Variants in MYO3A observed in about 807,000 individuals in gnomAD.
MYO3A encodes myosin-IIIa.
A neutral mutation model predicts 192.7 loss-of-function variants in MYO3A; 180 were observed. The ratio of observed to expected loss-of-function variants is 0.93; its 90% confidence interval spans 0.83 to 1.06. The LOEUF is 1.06. Ranked by LOEUF, MYO3A falls within the 50% of genes least tolerant of loss-of-function variation. The pLI, the probability that MYO3A is intolerant of heterozygous loss-of-function variation, is 0.00. For synonymous variants in MYO3A, 628 were observed against 645.3 expected (o/e 0.97, Z 0.41); for missense variants, 1,896 against 1,905.0 (o/e 1.00, Z 0.09).
At chr10:26,060,276 AATAC>A (rs879733502) in intron 10 of MYO3A, among the ~76,000 whole-genome samples, 1 of 120,944 alleles carries the variant, frequency 8.3e-6, no homozygotes, top group East Asian at 2.1e-4. Flanking sequence ...TAAATAAATA[AATAC>A]ATACATAAAT....
chr10:25,975,470 A>G (rs974624383), intron 4 of MYO3A, among the ~76,000 whole-genome samples: 12 of 152,206 alleles, frequency 7.9e-5, no homozygotes, highest in Non-Finnish European at 1.3e-4. Flanking sequence ...GTGTAACAAC[A>G]CGTGTCCAAC....
intron 6 of MYO3A, among the ~76,000 whole-genome samples, chr10:26,001,808 C>G (rs142024874): frequency 1.6e-4 from 25 of 152,206 alleles, no homozygotes; most frequent in African/African-American, 6.0e-4. Flanking sequence ...ATAGCAAGAC[C>G]CTGTCTCTAC....
At chr10:26,210,990 ACACACACACAC>A (rs1382434236) in intron 34 of MYO3A, among the ~76,000 whole-genome samples, 1 of 150,758 alleles carries the variant, frequency 6.6e-6, no homozygotes, top group African/African-American at 2.5e-5. Flanking sequence ...ATGCACACAC[ACACACACACAC>A]CACTCTTTCC....
chr10:26,160,616 G>A (rs1841439310), intron 26 of MYO3A, among the ~76,000 whole-genome samples: 1 of 152,028 alleles, frequency 6.6e-6, no homozygotes, highest in Non-Finnish European at 1.5e-5. Context: ...CTGCACTCCA[G>A]CCTGGGTGAC....
intron 1 of MYO3A, among the ~76,000 whole-genome samples, 188 bp from the exon 2 acceptor site, chr10:25,935,556 A>G (rs1466235873): frequency 6.6e-6 from 1 of 152,246 alleles, no homozygotes; most frequent in Non-Finnish European, 1.5e-5. Context: ...GTTTAATGCC[A>G]GCATATGAAA....
chr10:26,158,825 C>A (rs1038207549), intron 26 of MYO3A, among the ~76,000 whole-genome samples: 1 of 152,034 alleles, frequency 6.6e-6, no homozygotes, highest in African/African-American at 2.4e-5. Flanking sequence ...ATATTCTTCA[C>A]CCTTTTTCAA....
intron 21 of MYO3A, among the ~76,000 whole-genome samples, chr10:26,144,928 C>A (rs1472339649): frequency 2.6e-5 from 4 of 152,182 alleles, no homozygotes; most frequent in Non-Finnish European, 4.4e-5. Context: ...GTAATCCCAG[C>A]ACTTTGGGAG....
At chr10:25,966,025 G>T (rs116118382) in intron 4 of MYO3A, among the ~76,000 whole-genome samples, 1,604 of 151,476 alleles carry the variant, frequency 0.011, 25 homozygotes, top group African/African-American at 0.036. Flanking sequence ...AGATACTATG[G>T]GTGCTCACCA....
At chr10:26,018,418 A>G (rs61848909) in intron 7 of MYO3A, among the ~76,000 whole-genome samples, 3,167 of 152,302 alleles carry the variant, frequency 0.021, 47 homozygotes, top group Non-Finnish European at 0.03. Flanking sequence ...TATTAATAGC[A>G]GATTTCTAAG....
Position 26,075,283 on chromosome 10 carries a change from T to C in MYO3A, c.1359+4882T>C, listed in dbSNP as rs1461056256. On this transcript the variant is annotated intron_variant, in intron 14 of 34. Coordinates refer to ENST00000642920, the MANE Select transcript of MYO3A (RefSeq NM_017433.5). ...CTTTTTTAATTTTTATTTATTTTTTTTAATTTTTCCATAGTTATCGGGATA... is the reference window on the plus strand; with the variant it reads ...CTTTTTTAATTTTTATTTATTTTTTCTAATTTTTCCATAGTTATCGGGATA... 4.6e-5 allele frequency among the ~76,000 whole-genome samples: 7 copies of C among 151,822 alleles called. No individual in the cohort carries two copies. In the East Asian group the frequency reaches 1.4e-3, roughly 29 times the overall value.
At chr10:26,187,753 G>A (rs950265764) in intron 31 of MYO3A, among the ~76,000 whole-genome samples, 1 of 148,940 alleles carries the variant, frequency 6.7e-6, no homozygotes, top group Non-Finnish European at 1.5e-5. Flanking sequence ...TTGGTTTTTT[G>A]TCCTTGCAAT....
At chr10:26,039,767 C>T (rs1207406769) in intron 10 of MYO3A, among the ~76,000 whole-genome samples, 2 of 152,008 alleles carry the variant, frequency 1.3e-5, no homozygotes, top group Admixed American at 1.3e-4. Flanking sequence ...TGGGTCTTCT[C>T]TCATTTTTCT....
At chr10:25,978,100 A>G (rs1839069442) in intron 4 of MYO3A, among the ~76,000 whole-genome samples, 1 of 152,210 alleles carries the variant, frequency 6.6e-6, no homozygotes, top group Non-Finnish European at 1.5e-5. Flanking sequence ...TGTGTGATTT[A>G]TAAGTAAAAT....
chr10:26,029,870 G>GT (rs1281133905), intron 10 of MYO3A, among the ~76,000 whole-genome samples: 1 of 151,938 alleles, frequency 6.6e-6, no homozygotes, highest in Non-Finnish European at 1.5e-5. Context: ...TGAGTGGGAG[G>GT]TTTTTTATTT....
chr10:25,990,141 A>T (rs1369038592), intron 4 of MYO3A, among the ~76,000 whole-genome samples: 1 of 152,110 alleles, frequency 6.6e-6, no homozygotes, highest in Non-Finnish European at 1.5e-5. Context: ...GAGAACCCAG[A>T]TGTGGAAAAC....
At chr10:25,998,069 T>A (rs1217804122) in intron 6 of MYO3A, among the ~76,000 whole-genome samples, 1 of 152,192 alleles carries the variant, frequency 6.6e-6, no homozygotes, top group Non-Finnish European at 1.5e-5. Context: ...CTTGTTTGCA[T>A]TTATCGTATA....
intron 15 of MYO3A, among the ~76,000 whole-genome samples, chr10:26,093,896 T>A (rs1053402437): frequency 6.6e-6 from 1 of 152,232 alleles, no homozygotes; most frequent in Non-Finnish European, 1.5e-5. Flanking sequence ...CCTTTTCTTT[T>A]GGAATGGAAC....
chr10:26,064,861 A>G (rs989566885), intron 10 of MYO3A, among the ~76,000 whole-genome samples: 1 of 152,168 alleles, frequency 6.6e-6, no homozygotes, highest in African/African-American at 2.4e-5. Context: ...GAGACAGAGT[A>G]TTTAGGAGTG....
intron 34 of MYO3A, among the ~76,000 whole-genome samples, chr10:26,203,777 A>G: frequency 6.6e-6 from 1 of 152,204 alleles, no homozygotes; most frequent in Non-Finnish European, 1.5e-5. Flanking sequence ...TTCTAAACGA[A>G]TATCCTGTGA....
Sources: allele counts gnomAD v4.1 joint callset (sites outside exome capture counted in the v4.1 genomes callset), GRCh38; gene constraint gnomAD v4.1.1; transcripts MANE v1.5; gene names NCBI Gene and HGNC (gene_info 2026-07-23, HGNC 2026-07-21).